Variants in FSTL5 observed in about 807,000 individuals in gnomAD.
FSTL5 encodes follistatin like 5.
Under a neutral mutation model 89.1 loss-of-function variants are expected in FSTL5, and 62 were observed. The ratio of observed to expected loss-of-function variants is 0.70; its 90% CI spans 0.57 to 0.86. FSTL5 has a LOEUF of 0.86. FSTL5 is among the 40% of genes least tolerant of loss of function. FSTL5 has a pLI of 0.00. For synonymous variants in FSTL5, 383 were observed against 346.2 expected, an observed-to-expected ratio of 1.11 and a Z score of -1.18; for missense variants, 1,057 against 1,001.6, an observed-to-expected ratio of 1.06 and a Z score of -0.75.
intron 2 of FSTL5, among the ~76,000 whole-genome samples, chr4:162,065,883 TTGTC>T (rs1406731727): frequency 6.6e-6 from 1 of 152,034 alleles, no homozygotes; most frequent in Non-Finnish European, 1.5e-5. Flanking sequence ...GAAATTAACT[TTGTC>T]TGAGAGTGAC....
At chr4:161,398,668 A>G (rs1323511048) in intron 15 of FSTL5, among the ~76,000 whole-genome samples, 4 of 152,128 alleles carry the variant, frequency 2.6e-5, no homozygotes, top group Non-Finnish European at 5.9e-5. Flanking sequence ...AATTTCACAA[A>G]TTAGAAGTAC....
At chr4:162,089,240 G>C (rs1239447162) in intron 2 of FSTL5, among the ~76,000 whole-genome samples, 1 of 152,042 alleles carries the variant, frequency 6.6e-6, no homozygotes, top group African/African-American at 2.4e-5. Context: ...AAGTTACTTA[G>C]TCTCTGCTAA....
chr4:162,029,146 G>GGA (rs5863512), intron 3 of FSTL5, among the ~76,000 whole-genome samples: 1,993 of 139,262 alleles, frequency 0.014, 40 homozygotes, highest in African/African-American at 0.052. Flanking sequence ...TGTACATGAG[G>GGA]GAGAGAGAGA....
At chr4:161,704,710 A>T (rs1268627199) in intron 6 of FSTL5, among the ~76,000 whole-genome samples, 1 of 152,126 alleles carries the variant, frequency 6.6e-6, no homozygotes, top group African/African-American at 2.4e-5. Flanking sequence ...TAAGCAGTTT[A>T]AAGATTAAAT....
chr4:161,658,685 C>T (rs1448077225), intron 6 of FSTL5, among the ~76,000 whole-genome samples: 1 of 152,086 alleles, frequency 6.6e-6, no homozygotes, highest in African/African-American at 2.4e-5. Context: ...TTGAAATCTG[C>T]ATACACAGTG....
intron 6 of FSTL5, among the ~76,000 whole-genome samples, chr4:161,694,847 T>TA: frequency 6.7e-6 from 1 of 148,784 alleles, no homozygotes. Context: ...AATGCCTTTT[T>TA]TTTTTTTTTT....
chr4:161,956,970 T>C (rs1735042830), intron 3 of FSTL5, among the ~76,000 whole-genome samples: 1 of 151,798 alleles, frequency 6.6e-6, no homozygotes, highest in Non-Finnish European at 1.5e-5. Flanking sequence ...AAAGAAAAAA[T>C]AGTTCAGCTA....
chr4:161,392,278 A>G (rs1043217316), intron 15 of FSTL5, among the ~76,000 whole-genome samples: 2 of 151,406 alleles, frequency 1.3e-5, no homozygotes, highest in African/African-American at 2.4e-5. Context: ...CCCAAGCTGG[A>G]GTTCAGTGGC....
chr4:161,779,656 C>T (rs947538342), intron 4 of FSTL5, among the ~76,000 whole-genome samples: 7 of 150,594 alleles, frequency 4.6e-5, no homozygotes, highest in Non-Finnish European at 8.9e-5. Context: ...AACTTTATTT[C>T]TCTCATTTTC....
intron 3 of FSTL5, among the ~76,000 whole-genome samples, chr4:161,935,981 G>A (rs780972564): frequency 1.3e-5 from 2 of 152,254 alleles, no homozygotes; most frequent in South Asian, 2.1e-4. Flanking sequence ...TCAGGAGGAC[G>A]AGACCAGCCT....
At chr4:161,494,975 T>A (rs766514631) in intron 12 of FSTL5, among the ~76,000 whole-genome samples, 1 of 151,982 alleles carries the variant, frequency 6.6e-6, no homozygotes, top group Admixed American at 6.6e-5. Context: ...GGTAGAAGGA[T>A]CACTTGAGCC....
intron 3 of FSTL5, among the ~76,000 whole-genome samples, chr4:161,954,738 A>T (rs1259222535): frequency 6.6e-6 from 1 of 151,606 alleles, no homozygotes; most frequent in Non-Finnish European, 1.5e-5. Flanking sequence ...AACACATTGC[A>T]TGCATCTGTC....
chr4:161,639,933 G>A (rs1028587169), intron 7 of FSTL5, among the ~76,000 whole-genome samples: 4 of 152,062 alleles, frequency 2.6e-5, no homozygotes, highest in Non-Finnish European at 5.9e-5. Context: ...TAATTTAAAG[G>A]GTCAGTGCCC....
At chr4:161,650,735 T>C (rs1488336945) in intron 7 of FSTL5, among the ~76,000 whole-genome samples, 1 of 152,116 alleles carries the variant, frequency 6.6e-6, no homozygotes, top group Non-Finnish European at 1.5e-5. Context: ...AGCTAAGAAG[T>C]GGCAAAACTA....
At chr4:162,145,942 A>C (rs1031239960) in intron 1 of FSTL5, among the ~76,000 whole-genome samples, 1 of 152,202 alleles carries the variant, frequency 6.6e-6, no homozygotes, top group African/African-American at 2.4e-5. Flanking sequence ...TTTTTCACTT[A>C]ATCTCTGTGA....
intron 2 of FSTL5, among the ~76,000 whole-genome samples, chr4:162,058,740 A>G (rs1465457186): frequency 6.6e-6 from 1 of 152,006 alleles, no homozygotes; most frequent in Non-Finnish European, 1.5e-5. Context: ...CAACTGATCT[A>G]TTCAATTAGA....
At chr4:161,471,018 C>T (rs2126433769) in intron 13 of FSTL5, among the ~76,000 whole-genome samples, 1 of 152,312 alleles carries the variant, frequency 6.6e-6, no homozygotes, top group Non-Finnish European at 1.5e-5. Flanking sequence ...TAAGATCATG[C>T]CATCTGCAAA....
chr4:162,032,273 G>C (rs1737561560), intron 3 of FSTL5, among the ~76,000 whole-genome samples: 1 of 152,046 alleles, frequency 6.6e-6, no homozygotes, highest in South Asian at 2.1e-4. Flanking sequence ...TCATGAGAAG[G>C]AAGATGCATA....
chr4:161,829,430 G>A (rs953649736), intron 4 of FSTL5, among the ~76,000 whole-genome samples: 7 of 148,136 alleles, frequency 4.7e-5, no homozygotes, highest in Middle Eastern at 3.7e-3. Context: ...TAAACCACTG[G>A]AAAACCAGAT....
Sources: allele counts gnomAD v4.1 joint callset (sites outside exome capture counted in the v4.1 genomes callset), GRCh38; gene constraint gnomAD v4.1.1; transcripts MANE v1.5; gene names NCBI Gene and HGNC (gene_info 2026-07-23, HGNC 2026-07-21).